Variants in LAMB4 observed in about 807,000 individuals in gnomAD.
LAMB4 encodes laminin subunit beta-4.
Under a neutral mutation model 199.2 loss-of-function variants are expected in LAMB4, and 196 were observed. The ratio of observed to expected loss-of-function variants is 0.98; its 90% CI spans 0.88 to 1.11. The LOEUF (loss-of-function observed/expected upper bound fraction) is 1.11, where lower values mean the gene tolerates loss of function less well. LAMB4 is among the 50% of genes least tolerant of loss of function. The probability of loss-of-function intolerance (pLI) is 0.00; values close to 1 mark genes in which losing one functional copy is unlikely to be tolerated. For missense variants in LAMB4, 2,080 were observed against 2,171.2 expected, an observed-to-expected ratio of 0.96 and a Z score of 0.83; for synonymous variants, 744 against 770.6, an observed-to-expected ratio of 0.97 and a Z score of 0.57.
In LAMB4 at chr7:108,023,871, TG is replaced by T. The variant is rs1379029606; in HGVS notation, c.*167del. ...TTTCAATTATGAAGTGGCATTTTCC[TG>T]GTGGCATTTCAACCTCCAGCCACAC... On this transcript the variant is annotated 3_prime_UTR_variant, in exon 34 of 34. Coordinates refer to ENST00000388781, the MANE Select transcript of LAMB4 (RefSeq NM_007356.3). 1.4e-5 allele frequency: 6 copies of T among 417,458 alleles called. No homozygotes were observed. The East Asian group carries it at 2.1e-4, about 15-fold the overall frequency. 25.9% of individuals were successfully genotyped at this position (417,458 alleles called of 1,614,324 possible).
intron 1 of LAMB4, among the ~76,000 whole-genome samples, chr7:108,126,554 C>CCTTT (rs780962576): frequency 2.4e-5 from 2 of 83,520 alleles, no homozygotes; most frequent in African/African-American, 1.0e-4. Context: ...GAATTTCTTT[C>CCTTT]TTTTTTTTTT....
Position 108,067,548 on chromosome 7 carries a change from C to T in LAMB4, c.2446+468G>A, listed in dbSNP as rs914661369. On this transcript the variant is annotated intron_variant, in intron 19 of 33. Coordinates refer to ENST00000388781, the MANE Select transcript of LAMB4 (RefSeq NM_007356.3). ...AATGAGTTACAAGGCTGTTTGCAAACCTCGCATCAGAAAGGGTGATATCCT... is the reference window on the plus strand; with the variant it reads ...AATGAGTTACAAGGCTGTTTGCAAATCTCGCATCAGAAAGGGTGATATCCT... Among the ~76,000 whole-genome samples, 28 of 152,340 alleles carry T rather than the reference C, an allele frequency of 1.8e-4. No individual in the cohort carries two copies. In the Middle Eastern group the frequency reaches 0.017, roughly 93 times the overall value.
chr7:108,105,926 T>C lies in LAMB4; in HGVS notation c.761A>G (p.Tyr254Cys), dbSNP rs752617821. ...RQNDSLDKYYYALYEMIVRGS... is the reference protein window; with the variant it reads ...RQNDSLDKYYCALYEMIVRGS... ...CCGAACAATCATCTCGTACAGAGCATAGTAGTATTTATCAAGGGAATCATT... is the reference window on the plus strand; with the variant it reads ...CCGAACAATCATCTCGTACAGAGCACAGTAGTATTTATCAAGGGAATCATT... The change falls in exon 8 of 34, where the codon TAT becomes TGT. Residue 254 changes from tyrosine to cysteine, a missense_variant. Tyr to Cys is a radical substitution (Grantham distance 194). Transcript: ENST00000388781. 6.2e-7 allele frequency: 1 copy of C among 1,614,166 alleles called. No individual in the cohort carries two copies. The highest frequency in any genetic ancestry group is 1.7e-5 in the Admixed American group (1 of 60,034).
At chr7:108,087,376 C>G (rs1354865339) in intron 14 of LAMB4, among the ~76,000 whole-genome samples, 2 of 152,200 alleles carry the variant, frequency 1.3e-5, no homozygotes, top group African/African-American at 4.8e-5. Context: ...AACAAGACAG[C>G]CAACGTCTGC....
chr7:108,079,197 T>C (rs1212803487), intron 15 of LAMB4, among the ~76,000 whole-genome samples: 1 of 152,222 alleles, frequency 6.6e-6, no homozygotes, highest in Admixed American at 6.5e-5. Context: ...TGTCGCAGGG[T>C]AAGATGCAAA....
intron 6 of LAMB4, 53 bp from the exon 7 acceptor site, chr7:108,106,625 T>C: frequency 9.7e-7 from 1 of 1,028,370 alleles, no homozygotes; most frequent in Non-Finnish European, 1.5e-6. Context: ...AACGTAATTG[T>C]CAAACACACT....
intron 23 of LAMB4, among the ~76,000 whole-genome samples, chr7:108,061,551 C>G (rs1358024344): frequency 1.3e-5 from 2 of 151,832 alleles, no homozygotes; most frequent in Non-Finnish European, 2.9e-5. Context: ...CCAGCCTGGC[C>G]AACATGGTGA....
rs201764421 is a variant in LAMB4, at chr7:108,068,088, G to T, written c.2374C>A (p.Pro792Thr). The T allele has an allele frequency of 1.9e-4, 305 of 1,614,040 alleles. No individual in the cohort carries two copies. The highest frequency in any genetic ancestry group is 2.4e-4 in the South Asian group (22 of 91,080). Residue 792 changes from proline (P) to threonine (T), a missense_variant, in exon 19 of 34, where the codon CCT (proline) becomes ACT (threonine). By Grantham distance (38) the Pro-to-Thr change is conservative. Coordinates refer to ENST00000388781, the MANE Select transcript of LAMB4 (RefSeq NM_007356.3). ...SRLGGQCQCK[P>T]LVVGRCCDRC... ...TCACAGCAGCGCCCGACCACAAGAG[G>T]TTTACACTGGCACTGGCCTCCAAGT...
At chr7:108,070,824 A>G (rs1317906846) in intron 17 of LAMB4, among the ~76,000 whole-genome samples, 1 of 152,140 alleles carries the variant, frequency 6.6e-6, no homozygotes, top group African/African-American at 2.4e-5. Context: ...AAATTGTTCA[A>G]AAGTCATCTG....
chr7:108,091,766 T>C lies in LAMB4; in HGVS notation c.1561A>G (p.Lys521Glu). The stretch of plus-strand genomic sequence containing the variant: ...GGGCGGCATTCACACTGCCCATTCT[T>C]GGGTGAGCACCTGAGGAAAAAGCAA... The part of the protein sequence containing the change: ...GGAYSNVCSP[K>E]NGQCECRPHV... The change falls in exon 14 of 34, where the codon AAG becomes GAG. Residue 521 changes from lysine (K) to glutamate (E), a missense_variant. By Grantham distance (56) the Lys-to-Glu change is moderately conservative. Coordinates refer to ENST00000388781, the MANE Select transcript of LAMB4 (RefSeq NM_007356.3). The C allele has an allele frequency of 6.2e-7, 1 of 1,612,920 alleles. No homozygotes were observed. The highest frequency in any genetic ancestry group is 8.5e-7 in the Non-Finnish European group (1 of 1,179,734).
At chr7:108,031,051 A>C in intron 31 of LAMB4, 72 bp from the exon 32 acceptor site, 1 of 1,322,292 alleles carries the variant, frequency 7.6e-7, no homozygotes, top group Non-Finnish European at 1.0e-6. Context: ...CGATATATTA[A>C]CCCCTTGAAA....
Position 108,069,898 on chromosome 7 carries a change from T to A in LAMB4, c.2125-13A>T. ...GAATAAGGCCAAGCTTTTGAAAGAA[T>A]GCAAAAAGACTTAACATTCAAACTA... On this transcript the variant is annotated splice_polypyrimidine_tract_variant and intron_variant, in intron 17 of 33. Transcript: ENST00000388781. 6.3e-7 allele frequency: 1 copy of A among 1,599,420 alleles called. No individual in the cohort carries two copies. Among genetic ancestry groups the A allele is most frequent in the Admixed American group, 1.7e-5 (1 of 58,482 alleles).
At chr7:108,074,151 C>T (rs2036619441) in intron 17 of LAMB4, among the ~76,000 whole-genome samples, 1 of 152,168 alleles carries the variant, frequency 6.6e-6, no homozygotes, top group Non-Finnish European at 1.5e-5. Context: ...CTCCTCTCCT[C>T]TCAGGAACAC....
rs1051831265 is a variant in LAMB4 at position 108,106,559 on chromosome 7, A to G, written c.605T>C (p.Val202Ala). 6.4e-7 allele frequency: 1 copy of G among 1,561,614 alleles called. No individual in the cohort carries two copies. The highest frequency in any genetic ancestry group is 8.8e-7 in the Non-Finnish European group (1 of 1,134,172). ...TTCAATTTCAAAACTGGGATCCAAA[A>G]CTTTTAAAACAACCTGTAAAACAAA... Reference protein sequence around the residue: ...PSTGGEVVLKVLDPSFEIENP... With the variant: ...PSTGGEVVLKALDPSFEIENP... The change falls in exon 7 of 34, where the codon GTT becomes GCT. Residue 202 changes from valine to alanine, a missense_variant. Coordinates refer to ENST00000388781, the MANE Select transcript of LAMB4 (RefSeq NM_007356.3).
intron 13 of LAMB4, 104 bp from the exon 14 acceptor site, chr7:108,091,880 A>G: frequency 9.0e-7 from 1 of 1,111,342 alleles, no homozygotes; most frequent in Non-Finnish European, 1.3e-6. Flanking sequence ...AGCAATCCTT[A>G]GAATCAGTCA....
intron 2 of LAMB4, 81 bp from the exon 3 acceptor site, chr7:108,116,242 A>C: frequency 7.6e-7 from 1 of 1,308,300 alleles, no homozygotes; most frequent in Non-Finnish European, 1.0e-6. Flanking sequence ...GTTAAGGGGG[A>C]AAGTTATGTA....
the LAMB4 span, among the ~76,000 whole-genome samples, chr7:108,012,442 G>A: frequency 1.3e-5 from 2 of 152,064 alleles, no homozygotes; most frequent in African/African-American, 2.4e-5. Context: ...AAACACAAAC[G>A]TAAAAATTCT....
At chr7:108,078,592 C>T (rs1024055623) in intron 15 of LAMB4, among the ~76,000 whole-genome samples, 10 of 152,164 alleles carry the variant, frequency 6.6e-5, no homozygotes, top group African/African-American at 1.9e-4. Flanking sequence ...TCCTCAACCC[C>T]CATTTCCCAG....
Position 108,043,545 on chromosome 7 carries a change from G to GTGTTTTTTTTT in LAMB4, c.4471+206_4471+207insAAAAAAAAACA, listed in dbSNP as rs2035496985. ...AATATAATTTGGAACTGGCTATGAT[G>GTGTTTTTTTTT]TTTTTTTTTTTTTTTTTTTTTTTTT... On this transcript the variant is annotated intron_variant, in intron 29 of 33. Coordinates refer to ENST00000388781, the MANE Select transcript of LAMB4 (RefSeq NM_007356.3). 7.1e-5 allele frequency among the ~76,000 whole-genome samples: 4 copies of GTGTTTTTTTTT among 56,000 alleles called. 1 individual carries two copies. Among genetic ancestry groups the GTGTTTTTTTTT allele is most frequent in the African/African-American group, 5.8e-4 (4 of 6,856 alleles). 36.7% of individuals were successfully genotyped at this position (56,000 alleles called of 152,430 possible).
Sources: allele counts gnomAD v4.1 joint callset (sites outside exome capture counted in the v4.1 genomes callset), GRCh38; gene constraint gnomAD v4.1.1; transcripts MANE v1.5; gene names NCBI Gene and HGNC (gene_info 2026-07-23, HGNC 2026-07-21).